The following CASD1 variants were observed in gnomAD, a reference collection of about 807,000 sequenced individuals.
The protein encoded by CASD1 is CAS1 domain sialic acid O acetyltransferase 1.
In CASD1, 41 loss-of-function variants were observed where a neutral mutation model predicts 100.0. The observed-to-expected ratio is 0.41, with a 90% confidence interval of 0.32 to 0.53. The LOEUF is 0.53. Among genes scored for constraint, CASD1 ranks in the 20% least tolerant of loss-of-function variants. The pLI, the probability that CASD1 is intolerant of heterozygous loss-of-function variation, is 0.25. For synonymous variants in CASD1, 321 were observed against 315.6 expected (o/e 1.02, Z -0.18); for missense variants, 774 against 948.7 (o/e 0.82, Z 2.42).
the CASD1 span, chr7:94,600,531 T>C: frequency 1.3e-6 from 1 of 747,702 alleles, no homozygotes; most frequent in South Asian, 1.6e-5. Context: ...GGACACAATT[T>C]CAATTCATTT....
chr7:94,535,608 T>C, intron 8 of CASD1, 85 bp downstream of exon 8: 2 of 948,816 alleles, frequency 2.1e-6, no homozygotes, highest in Non-Finnish European at 3.2e-6. Context: ...TGGTTATAAA[T>C]AATTTGTTTT....
At chr7:94,596,883 A>G in the CASD1 span, among the ~76,000 whole-genome samples, 2 of 152,180 alleles carry the variant, frequency 1.3e-5, no homozygotes, top group East Asian at 1.9e-4. Flanking sequence ...AGGGTAAACA[A>G]TATCAGAAAT....
the CASD1 span, among the ~76,000 whole-genome samples, chr7:94,595,027 A>G: frequency 2.0e-5 from 3 of 152,098 alleles, no homozygotes; most frequent in Non-Finnish European, 4.4e-5. Flanking sequence ...GACCGACACT[A>G]TCTATCCCTG....
chr7:94,576,610 C>A, the CASD1 span, among the ~76,000 whole-genome samples: 1 of 152,190 alleles, frequency 6.6e-6, no homozygotes, highest in African/African-American at 2.4e-5. Flanking sequence ...ATGGGCACTG[C>A]ATGCCTATGT....
chr7:94,545,671 T>C lies in CASD1; in HGVS notation c.1603T>C (p.Trp535Arg). 6.2e-7 allele frequency: 1 copy of C among 1,601,000 alleles called. No individual in the cohort carries two copies. The highest frequency in any genetic ancestry group is 1.3e-5 in the African/African-American group (1 of 74,792). ...GGTCATATATGTTACTTTAGCACTA[T>C]GGCCACAAATAATCCAAAAAAAAGC... ...FMVIYVTLAL[W>R]PQIIQKKANG... The change falls in exon 12 of 18, where the codon TGG becomes CGG. Residue 535 changes from tryptophan to arginine, a missense_variant. Coordinates refer to ENST00000297273, the MANE Select transcript of CASD1 (RefSeq NM_022900.5).
At chr7:94,583,361 T>G in the CASD1 span, among the ~76,000 whole-genome samples, 3 of 152,178 alleles carry the variant, frequency 2.0e-5, no homozygotes, top group Admixed American at 2.0e-4. Context: ...CCATTACTGA[T>G]GTAGCCTCCA....
At chr7:94,540,302 C>T (rs6948647) in intron 10 of CASD1, among the ~76,000 whole-genome samples, 66,101 of 151,888 alleles carry the variant, frequency 0.44, 14,923 homozygotes, top group South Asian at 0.52. Flanking sequence ...GTAAACAGTA[C>T]GTGCATCAAT....
the CASD1 span, among the ~76,000 whole-genome samples, chr7:94,609,455 C>G: frequency 6.6e-6 from 1 of 152,154 alleles, no homozygotes; most frequent in Non-Finnish European, 1.5e-5. Context: ...TCACTTGAAC[C>G]CAGGAGGCAG....
At chr7:94,619,908 C>G in the CASD1 span, 2 of 152,072 alleles carry the variant, frequency 1.3e-5, no homozygotes, top group African/African-American at 4.8e-5. Context: ...ATATAAGGTG[C>G]TCAGCAGAGC....
Position 94,555,389 on chromosome 7 carries a change from G to T in CASD1, c.2128-103G>T, listed in dbSNP as rs532501446. On this transcript the variant is annotated intron_variant, in intron 17 of 17. Coordinates refer to ENST00000297273, the MANE Select transcript of CASD1 (RefSeq NM_022900.5). ...GACAGAATAAAATGGTTTTAGGAAA[G>T]CCTTCTAATGTTATTATGCAACCAA... 5.0e-5 allele frequency: 57 copies of T among 1,147,836 alleles called. 1 individual carries two copies. In the South Asian group the frequency reaches 8.3e-4, roughly 17 times the overall value. The allele number at this position is 1,147,836 out of a possible 1,614,324, so 71.1% of individuals were successfully genotyped here.
Position 94,517,642 on chromosome 7 carries a change from T to C in CASD1, c.216T>C (p.His72=). 6.2e-7 allele frequency: 1 copy of C among 1,600,816 alleles called. No individual in the cohort carries two copies. The highest frequency in any genetic ancestry group is 8.5e-7 in the Non-Finnish European group (1 of 1,170,726). The part of the protein sequence containing the change: ...KVWQPHSCMM[H]KYKISEAKNC... ...GGCAACCTCACAGTTGTATGATGCA[T>C]AAATACAAAATCAGGTAACATTTCT... is the stretch of plus-strand genomic sequence containing the variant. The change falls in exon 2 of 18, where the codon CAT becomes CAC. Residue 72 remains histidine (H), a synonymous_variant. Transcript: ENST00000297273.
At chr7:94,529,666 G>A (rs1164517108) in intron 5 of CASD1, among the ~76,000 whole-genome samples, 1 of 152,090 alleles carries the variant, frequency 6.6e-6, no homozygotes, top group East Asian at 1.9e-4. Flanking sequence ...AATGTGGCTG[G>A]GAATTAGCTC....
chr7:94,516,597 G>A (rs958844495), intron 1 of CASD1, among the ~76,000 whole-genome samples: 2 of 152,000 alleles, frequency 1.3e-5, no homozygotes, highest in Non-Finnish European at 2.9e-5. Context: ...TATCCCCATA[G>A]TTAACCTAAA....
At chr7:94,598,687 A>C in the CASD1 span, 16 of 966,202 alleles carry the variant, frequency 1.7e-5, no homozygotes, top group Non-Finnish European at 2.4e-5. Context: ...TAAACAAACA[A>C]ACACAACAAC....
At chr7:94,552,549 G>C (rs978147920) in intron 16 of CASD1, 122 bp downstream of exon 16, 2 of 670,342 alleles carry the variant, frequency 3.0e-6, no homozygotes, top group African/African-American at 3.7e-5. Flanking sequence ...ATCTTTCTAA[G>C]CCCTTCCTTT....
the CASD1 span, among the ~76,000 whole-genome samples, chr7:94,579,683 A>G: frequency 6.6e-6 from 1 of 152,158 alleles, no homozygotes; most frequent in Non-Finnish European, 1.5e-5. Flanking sequence ...TGCTGCATGA[A>G]TGTTCAGATG....
intron 1 of CASD1, among the ~76,000 whole-genome samples, chr7:94,510,467 G>A (rs945071207): frequency 6.6e-6 from 1 of 152,204 alleles, no homozygotes; most frequent in Admixed American, 6.5e-5. Context: ...GCTGGGGTCG[G>A]GGGCGCCAAC....
At chr7:94,579,358 A>G in the CASD1 span, among the ~76,000 whole-genome samples, 1 of 152,178 alleles carries the variant, frequency 6.6e-6, no homozygotes, top group South Asian at 2.1e-4. Context: ...TCTTAATCAC[A>G]TAAAAATTAA....
At chr7:94,567,748 A>G in the CASD1 span, among the ~76,000 whole-genome samples, 1 of 152,252 alleles carries the variant, frequency 6.6e-6, no homozygotes, top group African/African-American at 2.4e-5. Flanking sequence ...GAATAAATTT[A>G]GATGGTTCAA....
Sources: gnomAD v4.1 joint callset for allele counts (sites outside exome capture counted in the v4.1 genomes callset) on GRCh38, gnomAD v4.1.1 for gene constraint, MANE v1.5 for transcripts, NCBI Gene and HGNC (gene_info 2026-07-23, HGNC 2026-07-21) for gene names.